The following MAPK8IP3 variants were observed in gnomAD, a reference collection of about 807,000 sequenced individuals.
MAPK8IP3 encodes the protein mitogen-activated protein kinase 8 interacting protein 3, also known as C-Jun-amino-terminal kinase-interacting protein 3.
Under a neutral mutation model 157.8 loss-of-function variants are expected in MAPK8IP3, and 49 were observed. The observed-to-expected ratio is 0.31, with a 90% CI of 0.25 to 0.39. MAPK8IP3 has a LOEUF of 0.39. Among genes scored for constraint, MAPK8IP3 ranks in the 10% least tolerant of loss-of-function variants. The probability of loss-of-function intolerance (pLI) is 1.00; values close to 1 mark genes in which losing one functional copy is unlikely to be tolerated. For missense variants in MAPK8IP3, 1,478 were observed against 1,889.4 expected, an observed-to-expected ratio of 0.78 and a Z score of 4.04; for synonymous variants, 897 against 777.7, an observed-to-expected ratio of 1.15 and a Z score of -2.55.
At position 1,759,842 on chromosome 16, in the gene MAPK8IP3, C is replaced by T. The variant is rs371515989; in HGVS notation, c.1247-116C>T. 145 of 885,656 alleles carry T rather than the reference C, an allele frequency of 1.6e-4. 2 individuals are homozygous for T. In the East Asian group the frequency reaches 2.3e-3, roughly 14 times the overall value. 54.9% of individuals were successfully genotyped at this position (885,656 alleles called of 1,614,324 possible). A position where few individuals can be genotyped will look rare whatever the true frequency, so the allele number is the denominator to read the frequency against. On this transcript the variant is annotated intron_variant, in intron 10 of 31. Coordinates refer to ENST00000610761, the MANE Select transcript of MAPK8IP3 (RefSeq NM_001318852.2). The stretch of plus-strand genomic sequence containing the variant: ...CGGCCCCCGCTCCCTGTAGATCGGG[C>T]GTCATCCCCAGCCAGGCTACCCTCT...
At chr16:1,736,631 C>G (rs1221359736) in intron 4 of MAPK8IP3, among the ~76,000 whole-genome samples, 1 of 47,008 alleles carries the variant, frequency 2.1e-5, no homozygotes, top group Non-Finnish European at 3.9e-5. Flanking sequence ...TGTGAGCGTC[C>G]GTGTGAGCGT....
chr16:1,761,800 C>G (rs967889909), intron 13 of MAPK8IP3, among the ~76,000 whole-genome samples: 6 of 152,244 alleles, frequency 3.9e-5, no homozygotes, highest in African/African-American at 7.2e-5. Flanking sequence ...CCCACACATT[C>G]ACACGCTGGG....
intron 4 of MAPK8IP3, among the ~76,000 whole-genome samples, chr16:1,737,879 C>T (rs573054961): frequency 8.0e-5 from 5 of 62,488 alleles, no homozygotes; most frequent in African/African-American, 1.3e-4. Context: ...TGTGACCGTC[C>T]GTGTGAGCAT....
chr16:1,767,448 G>A (rs1173990132), intron 26 of MAPK8IP3, 116 bp from the exon 27 acceptor site: 136 of 1,504,912 alleles, frequency 9.0e-5, no homozygotes, highest in Non-Finnish European at 1.3e-5. Flanking sequence ...CGCAAAGCAG[G>A]CGCTGGCTGG....
intron 5 of MAPK8IP3, chr16:1,745,320 C>T (rs1396043524): frequency 6.1e-6 from 2 of 328,394 alleles, no homozygotes; most frequent in Non-Finnish European, 8.7e-6. Context: ...CCTGTTTTCT[C>T]TCTGCCGGGT....
intron 1 of MAPK8IP3, chr16:1,713,434 C>T (rs1209751006): frequency 6.6e-6 from 1 of 152,182 alleles, no homozygotes; most frequent in East Asian, 1.9e-4. Flanking sequence ...CCATACTGGA[C>T]AGTGTGGCTG....
Position 1,769,022 on chromosome 16 carries a change from T to G in MAPK8IP3, c.*198T>G. On this transcript the variant is annotated 3_prime_UTR_variant, in exon 32 of 32. Coordinates refer to ENST00000610761, the MANE Select transcript of MAPK8IP3 (RefSeq NM_001318852.2). ...GCTGGGAGGAGGAGGGGAGGGGAAC[T>G]TCCACCCGAGGGGAAGATGCTCTCG... 1 of 618,876 alleles carries G rather than the reference T, an allele frequency of 1.6e-6. No individual in the cohort carries two copies. The highest frequency in any genetic ancestry group is 2.8e-6 in the Non-Finnish European group (1 of 357,408). 38.3% of individuals were successfully genotyped at this position (618,876 alleles called of 1,614,324 possible).
At chr16:1,729,303 C>A in intron 3 of MAPK8IP3, 95 bp downstream of exon 3, 2 of 1,433,668 alleles carry the variant, frequency 1.4e-6, no homozygotes, top group Non-Finnish European at 2.0e-6. Flanking sequence ...TCTTCCCTGG[C>A]ATGTCCCTTT....
At chr16:1,730,822 G>A (rs576835819) in intron 4 of MAPK8IP3, among the ~76,000 whole-genome samples, 17 of 145,984 alleles carry the variant, frequency 1.2e-4, no homozygotes, top group African/African-American at 3.3e-4. Flanking sequence ...CAGCCTGGGC[G>A]ACAGAGTGAG....
intron 20 of MAPK8IP3, 51 bp downstream of exon 20, chr16:1,765,229 G>A (rs766868364): frequency 6.5e-7 from 1 of 1,539,024 alleles, no homozygotes; most frequent in East Asian, 2.4e-5. Flanking sequence ...CCTTTTACTA[G>A]CAAGCTAAGT....
Position 1,750,330 on chromosome 16 carries a change from C to T in MAPK8IP3, c.1216+1610C>T, listed in dbSNP as rs569634238. 6.6e-5 allele frequency among the ~76,000 whole-genome samples: 10 copies of T among 152,008 alleles called. No homozygotes were observed. The East Asian group carries it at 7.8e-4, about 12-fold the overall frequency. On this transcript the variant is annotated intron_variant, in intron 8 of 31. Transcript: ENST00000610761. Reference sequence around the variant, plus strand: ...CAGGTTCAAGCAATTCTCCTGTCTCCGCCTCCCAAGTAGCTGGAATTAGAG... The same window carrying T: ...CAGGTTCAAGCAATTCTCCTGTCTCTGCCTCCCAAGTAGCTGGAATTAGAG...
chr16:1,743,743 C>A lies in MAPK8IP3; in HGVS notation c.747+267C>A. The A allele has an allele frequency of 7.4e-7, 1 of 1,351,834 alleles. No homozygotes were observed. Among genetic ancestry groups the A allele is most frequent in the Non-Finnish European group, 9.4e-7 (1 of 1,058,360 alleles). The allele number at this position is 1,351,834 out of a possible 1,614,324, so 83.7% of individuals were successfully genotyped here. ...TAGACCTCCCTGCCCTTGGATAGAC[C>A]GCTCTGTAGCCAGGGGTGTACAGTG... On this transcript the variant is annotated intron_variant, in intron 5 of 31. Coordinates refer to ENST00000610761, the MANE Select transcript of MAPK8IP3 (RefSeq NM_001318852.2). This position sits in a 1 kb window ranked among gnomAD's most constrained non-coding sequence, Gnocchi z 5.6.
In MAPK8IP3 at chr16:1,734,752, G is replaced by C. The variant is rs1335045496; in HGVS notation, c.602+5174G>C. Among the ~76,000 whole-genome samples, 4 of 152,262 alleles carry C rather than the reference G, an allele frequency of 2.6e-5. 1 individual carries two copies. The highest frequency in any genetic ancestry group is 4.1e-4 in the South Asian group (2 of 4,838). Reference sequence around the variant, plus strand: ...TTGGTCCCTTGGGGGACACATATTTGAGTCAGTCCCATCTGCTCAGCCAAA... The same window carrying C: ...TTGGTCCCTTGGGGGACACATATTTCAGTCAGTCCCATCTGCTCAGCCAAA... On this transcript the variant is annotated intron_variant, in intron 4 of 31. Coordinates refer to ENST00000610761, the MANE Select transcript of MAPK8IP3 (RefSeq NM_001318852.2).
rs1475660768 is a variant in MAPK8IP3, at chr16:1,764,341, C to T, written c.2162C>T (p.Pro721Leu). The T allele has an allele frequency of 2.5e-6, 4 of 1,577,908 alleles. No individual in the cohort carries two copies. Among genetic ancestry groups the T allele is most frequent in the South Asian group, 2.3e-5 (2 of 87,020 alleles). The change falls in exon 19 of 32, where the codon CCC (proline) becomes CTC (leucine). Residue 721 changes from proline to leucine, a missense_variant. Physicochemically the swap from Pro to Leu is moderately conservative, Grantham distance 98 (BLOSUM62 -3). This residue lies in a region of MAPK8IP3 where 669 missense variants were observed against 759.8 expected (regional missense o/e 0.88). Coordinates refer to ENST00000610761, the MANE Select transcript of MAPK8IP3 (RefSeq NM_001318852.2). ...GGCGTCAACCTGAGCGGGTGGAGGC[C>T]CAATGAGGACGACGCTGGGAATGGA... is the stretch of plus-strand genomic sequence containing the variant. ...AAGVNLSGWRPNEDDAGNGVK... is the reference protein window; with the variant it reads ...AAGVNLSGWRLNEDDAGNGVK...
At chr16:1,753,673 C>T (rs1181560353) in intron 8 of MAPK8IP3, among the ~76,000 whole-genome samples, 1 of 151,146 alleles carries the variant, frequency 6.6e-6, no homozygotes, top group Non-Finnish European at 1.5e-5. Flanking sequence ...GATCTCCTGA[C>T]CTCATGATCC....
In MAPK8IP3 at chr16:1,743,530, C is replaced by G. The variant is rs183260697; in HGVS notation, c.747+54C>G. On this transcript the variant is annotated intron_variant, in intron 5 of 31. Transcript: ENST00000610761. The surrounding 1 kb of genome is among the most constrained non-coding windows in gnomAD (Gnocchi z 5.6). ...GCTCCTCCCTGTTGCTGGTGTTCCCCGTTCACTGGGGCGGGAGCCTCGTCT... is the reference window on the plus strand; with the variant it reads ...GCTCCTCCCTGTTGCTGGTGTTCCCGGTTCACTGGGGCGGGAGCCTCGTCT... The G allele has an allele frequency of 3.2e-6, 5 of 1,583,742 alleles. 1 individual carries two copies. In the South Asian group the frequency reaches 5.7e-5, roughly 18 times the overall value.
chr16:1,743,208 G>T lies in MAPK8IP3; in HGVS notation c.603-124G>T. The T allele has an allele frequency of 7.4e-7, 1 of 1,357,522 alleles. No homozygotes were observed. 84.1% of individuals were successfully genotyped at this position (1,357,522 alleles called of 1,614,324 possible). ...GGATCATAACTGAGTAGCTGCTCGA[G>T]CTGGGCTGCTGGCTGGCATGGAGCG... On this transcript the variant is annotated intron_variant, in intron 4 of 31. Transcript: ENST00000610761. The surrounding 1 kb of genome is among the most constrained non-coding windows in gnomAD (Gnocchi z 5.6).
At chr16:1,747,794 A>G (rs2041056707) in intron 6 of MAPK8IP3, among the ~76,000 whole-genome samples, 1 of 152,026 alleles carries the variant, frequency 6.6e-6, no homozygotes, top group Admixed American at 6.5e-5. Context: ...CAGCCCCACT[A>G]ACCAGTAACC....
At chr16:1,754,429 G>A (rs917870531) in intron 8 of MAPK8IP3, among the ~76,000 whole-genome samples, 4 of 152,130 alleles carry the variant, frequency 2.6e-5, no homozygotes, top group South Asian at 2.1e-4. Context: ...CTGCATGGAC[G>A]AGGCAGCCCT....
Sources: allele counts gnomAD v4.1 joint callset (sites outside exome capture counted in the v4.1 genomes callset), GRCh38; gene constraint gnomAD v4.1.1; regional missense constraint gnomAD v4.1.1; non-coding constraint Gnocchi (gnomAD v3.1); transcripts MANE v1.5; gene names NCBI Gene and HGNC (gene_info 2026-07-23, HGNC 2026-07-21).